RBMS3: variants seen among roughly 807,000 people sequenced by gnomAD.
The protein encoded by RBMS3 is RNA binding motif single stranded interacting protein 3.
RBMS3 carries 27 observed loss-of-function variants against 66.8 expected under a neutral mutation model. The ratio of observed to expected loss-of-function variants is 0.40; its 90% CI spans 0.30 to 0.56. The LOEUF is 0.56. Among genes scored for constraint, RBMS3 ranks in the 20% least tolerant of loss-of-function variants. The pLI is 0.40. For missense variants in RBMS3, 513 were observed against 549.5 expected (o/e 0.93, Z 0.66); for synonymous variants, 188 against 183.0 (o/e 1.03, Z -0.22).
chr3:29,973,135 ACT>A (rs1382557977), intron 12 of RBMS3, among the ~76,000 whole-genome samples: 4 of 151,958 alleles, frequency 2.6e-5, no homozygotes, highest in Admixed American at 2.0e-4. Flanking sequence ...ACCTTAACAG[ACT>A]CTCTTATTTA....
At chr3:29,826,505 C>T (rs2058215812) in intron 6 of RBMS3, among the ~76,000 whole-genome samples, 1 of 152,064 alleles carries the variant, frequency 6.6e-6, no homozygotes, top group South Asian at 2.1e-4. Flanking sequence ...TGGTTAGCTA[C>T]TGTATTAGTC....
intron 1 of RBMS3, among the ~76,000 whole-genome samples, chr3:29,415,222 C>A (rs1237529041): frequency 6.6e-6 from 1 of 152,140 alleles, no homozygotes; most frequent in African/African-American, 2.4e-5. Flanking sequence ...AACAAGCAAA[C>A]TGTAGATACC....
At chr3:29,569,475 G>A (rs2149063957) in intron 3 of RBMS3, among the ~76,000 whole-genome samples, 2 of 152,028 alleles carry the variant, frequency 1.3e-5, no homozygotes, top group East Asian at 3.9e-4. Context: ...TGTAATCATG[G>A]TACAATTACA....
At position 29,281,643 on chromosome 3, in the gene RBMS3, C is replaced by T. The variant is rs754876613; in HGVS notation, c.-39C>T. The T allele has an allele frequency of 8.3e-6, 13 of 1,563,722 alleles. No homozygotes were observed. In the Admixed American group the frequency reaches 2.2e-4, roughly 26 times the overall value. On this transcript the variant is annotated 5_prime_UTR_variant, in exon 1 of 15. Coordinates refer to ENST00000383767, the MANE Select transcript of RBMS3 (RefSeq NM_001003793.3). ...CTCGGCCTGGGGCACTATACCCTGTCATCCAGTTCCCTGCCTCGGAGATAA... is the reference window on the plus strand; with the variant it reads ...CTCGGCCTGGGGCACTATACCCTGTTATCCAGTTCCCTGCCTCGGAGATAA...
chr3:29,890,622 A>G (rs1218662534), intron 8 of RBMS3, among the ~76,000 whole-genome samples: 3 of 151,650 alleles, frequency 2.0e-5, no homozygotes, highest in Non-Finnish European at 4.4e-5. Context: ...ATTAGAAAAA[A>G]GAAAATGCTC....
chr3:29,466,843 T>C (rs907588133), intron 2 of RBMS3, among the ~76,000 whole-genome samples: 5 of 152,170 alleles, frequency 3.3e-5, no homozygotes, highest in Non-Finnish European at 5.9e-5. Context: ...TTTAACTCTC[T>C]ATGCAGTTTG....
intron 2 of RBMS3, among the ~76,000 whole-genome samples, chr3:29,449,016 T>C (rs2041927515): frequency 1.3e-5 from 2 of 152,130 alleles, no homozygotes; most frequent in African/African-American, 4.8e-5. Flanking sequence ...ACTAGAACTC[T>C]GGACTTGGGT....
At position 29,290,111 on chromosome 3, in the gene RBMS3, A is replaced by C. The variant is rs1052086212; in HGVS notation, c.75+8355A>C. Among the ~76,000 whole-genome samples, 14 of 151,856 alleles carry C rather than the reference A, an allele frequency of 9.2e-5. 1 individual carries two copies. The highest frequency in any genetic ancestry group is 2.7e-4 in the African/African-American group (11 of 41,434). On this transcript the variant is annotated intron_variant, in intron 1 of 14. Transcript: ENST00000383767. ...AAAGTTTTTCTTATGTATGTGAGTC[A>C]TATTTGAGGCTATTGTCGATGTCTG...
At chr3:29,714,297 T>C (rs1004168200) in intron 4 of RBMS3, among the ~76,000 whole-genome samples, 1 of 151,626 alleles carries the variant, frequency 6.6e-6, no homozygotes, top group African/African-American at 2.4e-5. Flanking sequence ...ACAATTTATT[T>C]GAATATGAAA....
At chr3:29,354,971 T>C (rs1390931995) in intron 1 of RBMS3, among the ~76,000 whole-genome samples, 3 of 152,132 alleles carry the variant, frequency 2.0e-5, no homozygotes, top group African/African-American at 4.8e-5. Context: ...AGGTGGGAAA[T>C]TGAGGCATAA....
intron 4 of RBMS3, chr3:29,696,822 C>T (rs574156044): frequency 4.6e-6 from 2 of 430,860 alleles, no homozygotes; most frequent in African/African-American, 4.3e-5. Flanking sequence ...TAGGGCAACT[C>T]CAAGAGCCAG....
At chr3:29,902,492 C>A (rs1031117279) in intron 10 of RBMS3, among the ~76,000 whole-genome samples, 1 of 151,718 alleles carries the variant, frequency 6.6e-6, no homozygotes, top group Non-Finnish European at 1.5e-5. Flanking sequence ...ATAAACAAGA[C>A]AAATTGCTTA....
intron 6 of RBMS3, among the ~76,000 whole-genome samples, chr3:29,844,481 TGATAA>T (rs541766691): frequency 1.3e-3 from 191 of 152,330 alleles, no homozygotes; most frequent in African/African-American, 4.3e-3. Flanking sequence ...TCACATTTCC[TGATAA>T]GATAATAAGA....
chr3:29,497,020 T>G (rs557357506), intron 3 of RBMS3, among the ~76,000 whole-genome samples: 1 of 118,354 alleles, frequency 8.4e-6, no homozygotes, highest in Non-Finnish European at 1.7e-5. Context: ...TGGGAAAACT[T>G]TTTTTTTTTT....
At chr3:29,961,895 G>A (rs911432500) in intron 12 of RBMS3, among the ~76,000 whole-genome samples, 2 of 150,618 alleles carry the variant, frequency 1.3e-5, no homozygotes, top group Non-Finnish European at 3.0e-5. Context: ...ACTGACAGTA[G>A]ACATTTTAGT....
At chr3:29,852,861 T>C (rs2058970269) in intron 6 of RBMS3, among the ~76,000 whole-genome samples, 1 of 152,208 alleles carries the variant, frequency 6.6e-6, no homozygotes, top group Non-Finnish European at 1.5e-5. Flanking sequence ...CATGAATTTG[T>C]ATGTTCATTG....
intron 11 of RBMS3, among the ~76,000 whole-genome samples, chr3:29,938,166 A>G (rs963869383): frequency 1.3e-5 from 2 of 151,968 alleles, no homozygotes; most frequent in African/African-American, 4.8e-5. Flanking sequence ...AAGCTAAAAG[A>G]CACAGAACAG....
intron 3 of RBMS3, among the ~76,000 whole-genome samples, chr3:29,497,867 A>G (rs1272325969): frequency 6.6e-6 from 1 of 152,036 alleles, no homozygotes; most frequent in Non-Finnish European, 1.5e-5. Context: ...ATCAATGGAA[A>G]GCACAAGCTT....
At chr3:29,616,789 A>T (rs2149143660) in intron 4 of RBMS3, 1 of 152,328 alleles carries the variant, frequency 6.6e-6, no homozygotes, top group African/African-American at 2.4e-5. Context: ...ATGTTTCATC[A>T]ATAATCGTCC....
Sources: allele counts gnomAD v4.1 joint callset (sites outside exome capture counted in the v4.1 genomes callset), GRCh38; gene constraint gnomAD v4.1.1; transcripts MANE v1.5; gene names NCBI Gene and HGNC (gene_info 2026-07-23, HGNC 2026-07-21).